The following RAB38 variants were observed in gnomAD, a reference collection of about 807,000 sequenced individuals.
The protein encoded by RAB38 is ras-related protein Rab-38.
A neutral mutation model predicts 18.4 loss-of-function variants in RAB38; 15 were observed. The observed-to-expected ratio is 0.82, with a 90% CI of 0.55 to 1.26. The LOEUF (loss-of-function observed/expected upper bound fraction) is 1.26, where lower values mean the gene tolerates loss of function less well. Ranked by LOEUF, RAB38 falls within the 50% of genes most tolerant of loss-of-function variation. The probability of loss-of-function intolerance (pLI) is 0.00; values close to 1 mark genes in which losing one functional copy is unlikely to be tolerated. For missense variants in RAB38, 294 were observed against 267.4 expected (o/e 1.10, Z -0.69); for synonymous variants, 101 against 104.4 (o/e 0.97, Z 0.20).
the RAB38 span, among the ~76,000 whole-genome samples, chr11:88,008,608 A>G: frequency 6.6e-6 from 1 of 152,250 alleles, no homozygotes; most frequent in Non-Finnish European, 1.5e-5. Context: ...TCTGACTAAT[A>G]TACTCTCCAG....
intron 2 of RAB38, among the ~76,000 whole-genome samples, chr11:88,138,988 G>A (rs1454330606): frequency 1.3e-5 from 2 of 151,926 alleles, no homozygotes; most frequent in African/African-American, 4.8e-5. Context: ...GTTTCACTGT[G>A]TTAGCCAGGA....
chr11:87,885,847 A>G, the RAB38 span, among the ~76,000 whole-genome samples: 1 of 152,018 alleles, frequency 6.6e-6, no homozygotes, highest in African/African-American at 2.4e-5. Context: ...TATATCAATC[A>G]AAGAATAAAT....
At chr11:87,963,516 C>G in the RAB38 span, among the ~76,000 whole-genome samples, 1 of 152,014 alleles carries the variant, frequency 6.6e-6, no homozygotes, top group Non-Finnish European at 1.5e-5. Context: ...ACTCAAAAGT[C>G]TATGCAACAT....
chr11:88,115,500 C>T (rs953645728), intron 2 of RAB38: 3 of 152,204 alleles, frequency 2.0e-5, no homozygotes, highest in African/African-American at 7.2e-5. Context: ...AAGCCTGAAA[C>T]TGAGTTCACC....
the RAB38 span, among the ~76,000 whole-genome samples, chr11:87,977,507 TTATG>T: frequency 1.0e-5 from 1 of 99,562 alleles, no homozygotes; most frequent in South Asian, 2.8e-4. Flanking sequence ...TTTTATATGA[TTATG>T]TAATTATATA....
chr11:87,923,637 T>C, the RAB38 span, among the ~76,000 whole-genome samples: 2 of 151,802 alleles, frequency 1.3e-5, no homozygotes, highest in East Asian at 3.9e-4. Flanking sequence ...TAAAAGATGG[T>C]GATATTATTC....
At chr11:87,814,464 A>C in the RAB38 span, among the ~76,000 whole-genome samples, 1 of 152,224 alleles carries the variant, frequency 6.6e-6, no homozygotes, top group Non-Finnish European at 1.5e-5. Flanking sequence ...ACAATTAAGC[A>C]ATTACAGTAC....
At chr11:87,842,232 C>A in the RAB38 span, among the ~76,000 whole-genome samples, 1 of 152,066 alleles carries the variant, frequency 6.6e-6, no homozygotes, top group Non-Finnish European at 1.5e-5. Flanking sequence ...ACATGGAAGG[C>A]CACAACACTA....
the RAB38 span, among the ~76,000 whole-genome samples, chr11:87,953,596 T>C: frequency 1.3e-5 from 2 of 152,230 alleles, no homozygotes; most frequent in Non-Finnish European, 2.9e-5. Context: ...ATTGTTAATC[T>C]GTTATTGTGT....
chr11:88,126,677 G>A (rs1942698891), intron 2 of RAB38, among the ~76,000 whole-genome samples: 1 of 144,118 alleles, frequency 6.9e-6, no homozygotes, highest in Admixed American at 7.2e-5. Flanking sequence ...TTGTGCACAT[G>A]TACCCTAAAA....
At chr11:87,837,398 A>G in the RAB38 span, among the ~76,000 whole-genome samples, 10 of 152,208 alleles carry the variant, frequency 6.6e-5, no homozygotes, top group Admixed American at 1.3e-4. Flanking sequence ...CAGTTCTTCC[A>G]GAAGAGGCAT....
At chr11:87,924,814 T>C in the RAB38 span, among the ~76,000 whole-genome samples, 7,291 of 152,092 alleles carry the variant, frequency 0.048, 564 homozygotes, top group African/African-American at 0.16. Flanking sequence ...CCTACCTTAT[T>C]CCAAAGATCC....
the RAB38 span, among the ~76,000 whole-genome samples, chr11:87,952,912 TTG>T: frequency 3.9e-5 from 6 of 152,186 alleles, no homozygotes; most frequent in South Asian, 2.1e-4. Context: ...ACCACTGTGT[TTG>T]TGTCTTTATT....
At chr11:87,940,327 T>A in the RAB38 span, among the ~76,000 whole-genome samples, 5 of 152,114 alleles carry the variant, frequency 3.3e-5, no homozygotes, top group African/African-American at 1.2e-4. Context: ...AGAAAGACAC[T>A]CATCTCTCTT....
chr11:87,937,069 TCA>T, the RAB38 span, among the ~76,000 whole-genome samples: 18 of 151,864 alleles, frequency 1.2e-4, no homozygotes, highest in Admixed American at 8.5e-4. Context: ...GGAAAAATAT[TCA>T]GTCTTTAATC....
the RAB38 span, among the ~76,000 whole-genome samples, chr11:87,830,151 G>C: frequency 6.6e-6 from 1 of 152,042 alleles, no homozygotes; most frequent in Non-Finnish European, 1.5e-5. Context: ...AATTATATTA[G>C]ACATTGTGGA....
intron 1 of RAB38, chr11:88,173,948 T>TA: frequency 2.0e-6 from 2 of 985,442 alleles, no homozygotes; most frequent in African/African-American, 1.7e-5. Context: ...CAAGCCATGA[T>TA]AAAGAGTTTC....
the RAB38 span, among the ~76,000 whole-genome samples, chr11:88,032,820 G>A: frequency 3.9e-5 from 6 of 152,304 alleles, no homozygotes; most frequent in East Asian, 3.9e-4. Flanking sequence ...ACAGTGTGGC[G>A]ATTCCTCAGG....
At chr11:88,071,779 G>A in the RAB38 span, among the ~76,000 whole-genome samples, 1 of 152,320 alleles carries the variant, frequency 6.6e-6, no homozygotes, top group Non-Finnish European at 1.5e-5. Context: ...AGCAACTGAT[G>A]AAAGCTGAGG....
Sources: gnomAD v4.1 joint callset for allele counts (sites outside exome capture counted in the v4.1 genomes callset) on GRCh38, gnomAD v4.1.1 for gene constraint, MANE v1.5 for transcripts, NCBI Gene and HGNC (gene_info 2026-07-23, HGNC 2026-07-21) for gene names.